Variants in CRISPLD2 observed in about 807,000 individuals in gnomAD.
CRISPLD2 encodes the protein cysteine rich secretory protein LCCL domain containing 2.
CRISPLD2 carries 47 observed loss-of-function variants against 71.1 expected under a neutral mutation model. The observed-to-expected ratio is 0.66, with a 90% CI of 0.52 to 0.84. The LOEUF (loss-of-function observed/expected upper bound fraction) is 0.84, where lower values mean the gene tolerates loss of function less well. Among genes scored for constraint, CRISPLD2 ranks in the 40% least tolerant of loss-of-function variants. The pLI is 0.00. For missense variants in CRISPLD2, 830 were observed against 651.1 expected, an observed-to-expected ratio of 1.27 and a Z score of -2.99; for synonymous variants, 317 against 250.1, an observed-to-expected ratio of 1.27 and a Z score of -2.52.
intron 6 of CRISPLD2, among the ~76,000 whole-genome samples, chr16:84,858,390 C>T (rs1045253932): frequency 6.6e-6 from 1 of 152,210 alleles, no homozygotes; most frequent in African/African-American, 2.4e-5. Context: ...GGCGTTGTGC[C>T]TCTTTCTTGA....
In CRISPLD2 at chr16:84,883,315, T is replaced by C. The variant is rs142396881; in HGVS notation, c.1305+2731T>C. Among the ~76,000 whole-genome samples the C allele has an allele frequency of 7.2e-5, 11 of 152,328 alleles. No individual in the cohort carries two copies. The East Asian group carries it at 1.2e-3, about 16-fold the overall frequency. ...TGCCTCCAGACCTTCAAAGGGCCTG[T>C]TCCTGCCTGCGGCTCCCGCCTGTTC... On this transcript the variant is annotated intron_variant, in intron 13 of 14. Transcript: ENST00000262424.
In CRISPLD2 at chr16:84,906,795, ACATCT is replaced by A; in HGVS notation, c.*158_*162del. The A allele has an allele frequency of 2.3e-6, 2 of 860,458 alleles. No individual in the cohort carries two copies. Among genetic ancestry groups the A allele is most frequent in the Non-Finnish European group, 3.8e-6 (2 of 520,812 alleles). 53.3% of individuals were successfully genotyped at this position (860,458 alleles called of 1,614,324 possible). A position where few individuals can be genotyped will look rare whatever the true frequency, so the allele number is the denominator to read the frequency against. The stretch of plus-strand genomic sequence containing the variant: ...CACTTTGTGGCCTGTGGGTGAGGTG[ACATCT>A]CATCCCCTCACTGAAGCAACAGCAT... On this transcript the variant is annotated 3_prime_UTR_variant, in exon 15 of 15. Transcript: ENST00000262424.
intron 13 of CRISPLD2, 91 bp from the exon 14 acceptor site, chr16:84,889,138 AG>A: frequency 6.5e-7 from 1 of 1,546,234 alleles, no homozygotes; most frequent in Non-Finnish European, 8.9e-7. Flanking sequence ...CCCACCAGCC[AG>A]GTTGCCCAGC....
At position 84,847,520 on chromosome 16, in the gene CRISPLD2, A is replaced by G. The variant is rs757224595; in HGVS notation, c.359+1616A>G. Among the ~76,000 whole-genome samples, 109 of 152,132 alleles carry G rather than the reference A, an allele frequency of 7.2e-4. 1 individual carries two copies. Among genetic ancestry groups the G allele is most frequent in the Non-Finnish European group, 7.5e-4 (51 of 67,974 alleles). Reference sequence around the variant, plus strand: ...CAAAAAATTAGCCAGGCGTGGTGGCAGGCGCCTGTCATCCCAGCTACTTGG... The same window carrying G: ...CAAAAAATTAGCCAGGCGTGGTGGCGGGCGCCTGTCATCCCAGCTACTTGG... On this transcript the variant is annotated intron_variant, in intron 3 of 14. Transcript: ENST00000262424.
At position 84,880,549 on chromosome 16, in the gene CRISPLD2, T is replaced by G. The variant is rs762567141; in HGVS notation, c.1270T>G (p.Trp424Gly). Reference protein sequence around the residue: ...PAHCKDEPSYWAPVFGTNIYA... With the variant: ...PAHCKDEPSYGAPVFGTNIYA... Reference sequence around the variant, plus strand: ...ACACTGCAAAGACGAACCTTCCTACTGGGCTCCGGTGTTTGGAACCAACAT... The same window carrying G: ...ACACTGCAAAGACGAACCTTCCTACGGGGCTCCGGTGTTTGGAACCAACAT... Residue 424 changes from tryptophan (W) to glycine (G), a missense_variant, in exon 13 of 15, where the codon TGG (tryptophan) becomes GGG (glycine). By Grantham distance (184) the Trp-to-Gly change is radical. Transcript: ENST00000262424. 58 of 1,613,862 alleles carry G rather than the reference T, an allele frequency of 3.6e-5. No homozygotes were observed. Among genetic ancestry groups the G allele is most frequent in the Non-Finnish European group, 4.7e-5 (55 of 1,179,912 alleles).
chr16:84,843,696 G>A (rs1009561879), intron 2 of CRISPLD2, among the ~76,000 whole-genome samples: 1 of 151,198 alleles, frequency 6.6e-6, no homozygotes, highest in Non-Finnish European at 1.5e-5. Flanking sequence ...TGCACAGTCA[G>A]CATGTTGCAT....
chr16:84,897,232 C>G (rs770769071), intron 14 of CRISPLD2, among the ~76,000 whole-genome samples: 1 of 151,160 alleles, frequency 6.6e-6, no homozygotes, highest in Non-Finnish European at 1.5e-5. Context: ...TCACATGAGG[C>G]CAGGAGTTCA....
intron 13 of CRISPLD2, among the ~76,000 whole-genome samples, chr16:84,885,717 TG>T (rs2071606806): frequency 6.6e-6 from 1 of 152,190 alleles, no homozygotes; most frequent in Non-Finnish European, 1.5e-5. Flanking sequence ...TTCAGGTCTT[TG>T]ATATGAATGT....
chr16:84,868,816 G>C (rs117748842), intron 7 of CRISPLD2, 35 bp from the exon 8 acceptor site: 117 of 1,582,826 alleles, frequency 7.4e-5, no homozygotes, highest in Non-Finnish European at 1.0e-4. Flanking sequence ...TCCTGGTTTC[G>C]TGCCGTGACA....
chr16:84,885,152 CG>C (rs1567701208), intron 13 of CRISPLD2, among the ~76,000 whole-genome samples: 1 of 152,244 alleles, frequency 6.6e-6, no homozygotes, highest in Admixed American at 6.5e-5. Context: ...CGGGTAGGGG[CG>C]GGGGTGGATT....
intron 6 of CRISPLD2, among the ~76,000 whole-genome samples, chr16:84,857,894 T>G (rs1021967743): frequency 1.3e-5 from 2 of 152,186 alleles, no homozygotes; most frequent in Admixed American, 6.5e-5. Context: ...CACTTCCATT[T>G]GATGATGGAA....
Position 84,849,484 on chromosome 16 carries a change from G to A in CRISPLD2, c.459G>A (p.Arg153=). The A allele has an allele frequency of 6.2e-7, 1 of 1,614,160 alleles. No individual in the cohort carries two copies. The highest frequency in any genetic ancestry group is 8.5e-7 in the Non-Finnish European group (1 of 1,179,988). Residue 153 remains arginine (R), a synonymous_variant, in exon 4 of 15, where the codon AGG becomes AGA. Transcript: ENST00000262424. The part of the protein sequence containing the change: ...PSECNPWCPE[R]CSGPMCTHYT... ...AGTGCAACCCCTGGTGTCCAGAGAGGTGCTCGGGGCCCATGTGCACGCACT... is the reference window on the plus strand; with the variant it reads ...AGTGCAACCCCTGGTGTCCAGAGAGATGCTCGGGGCCCATGTGCACGCACT...
chr16:84,885,586 A>G (rs1192193007), intron 13 of CRISPLD2, among the ~76,000 whole-genome samples: 4 of 152,100 alleles, frequency 2.6e-5, no homozygotes, highest in African/African-American at 4.8e-5. Context: ...GGGCTAAGGA[A>G]CCCCGCCCTC....
intron 1 of CRISPLD2, among the ~76,000 whole-genome samples, chr16:84,821,242 C>T (rs1285401769): frequency 6.6e-6 from 1 of 152,164 alleles, no homozygotes; most frequent in Non-Finnish European, 1.5e-5. Flanking sequence ...GGGGCGTGGT[C>T]CTTTCCAGTA....
At chr16:84,881,709 C>G (rs570571075) in intron 13 of CRISPLD2, among the ~76,000 whole-genome samples, 1 of 152,048 alleles carries the variant, frequency 6.6e-6, no homozygotes, top group Non-Finnish European at 1.5e-5. Flanking sequence ...CTCCTGGGCT[C>G]GAGCGATCCT....
At chr16:84,898,412 A>C (rs2071725198) in intron 14 of CRISPLD2, among the ~76,000 whole-genome samples, 1 of 150,358 alleles carries the variant, frequency 6.7e-6, no homozygotes, top group African/African-American at 2.5e-5. Context: ...TTTCCACCTC[A>C]CTGGCCTCTC....
chr16:84,865,164 T>TC lies in CRISPLD2; in HGVS notation c.710-1733_710-1732insC, dbSNP rs35258310. 6.5e-3 allele frequency among the ~76,000 whole-genome samples: 983 copies of TC among 152,118 alleles called. 12 individuals are homozygous for TC. The highest frequency in any genetic ancestry group is 0.022 in the African/African-American group (906 of 41,500). On this transcript the variant is annotated intron_variant, in intron 6 of 14. Coordinates refer to ENST00000262424, the MANE Select transcript of CRISPLD2 (RefSeq NM_031476.4). ...CACCTGATGAAACTTGGATTTTTTT[T>TC]TTTTTTTTTGAGACAGAGTTTCGCT...
chr16:84,895,827 C>G (rs1329507553), intron 14 of CRISPLD2, among the ~76,000 whole-genome samples: 1 of 152,152 alleles, frequency 6.6e-6, no homozygotes, highest in Admixed American at 6.5e-5. Flanking sequence ...GCCCAGGTAC[C>G]TCCCTGGAGA....
chr16:84,882,347 CAAAAAAAAAAAA>C (rs80146835), intron 13 of CRISPLD2, among the ~76,000 whole-genome samples: 11 of 77,492 alleles, frequency 1.4e-4, no homozygotes, highest in African/African-American at 4.5e-4. Context: ...ACCAATAAAG[CAAAAAAAAAAAA>C]AAAAAAAAAA....
Sources: allele counts gnomAD v4.1 joint callset (sites outside exome capture counted in the v4.1 genomes callset), GRCh38; gene constraint gnomAD v4.1.1; transcripts MANE v1.5; gene names NCBI Gene and HGNC (gene_info 2026-07-23, HGNC 2026-07-21).